Variants in ADCY8 observed in about 807,000 individuals in gnomAD.
ADCY8 encodes adenylate cyclase type 8.
A neutral mutation model predicts 119.7 loss-of-function variants in ADCY8; 51 were observed. The ratio of observed to expected loss-of-function variants is 0.43; its 90% CI spans 0.34 to 0.54. ADCY8 has a LOEUF of 0.54. Among genes scored for constraint, ADCY8 ranks in the 20% least tolerant of loss-of-function variants. The probability of loss-of-function intolerance (pLI) is 0.03; values close to 1 mark genes in which losing one functional copy is unlikely to be tolerated. For missense variants in ADCY8, 1,383 were observed against 1,598.8 expected (o/e 0.87, Z 2.30); for synonymous variants, 665 against 651.0 (o/e 1.02, Z -0.33).
At chr8:130,921,443 T>TC (rs1284590236) in intron 5 of ADCY8, among the ~76,000 whole-genome samples, 1 of 140,016 alleles carries the variant, frequency 7.1e-6, no homozygotes, top group African/African-American at 2.7e-5. Flanking sequence ...TTTTTCTTTT[T>TC]CTTTTCTTTT....
At chr8:130,941,241 A>T (rs767464854) in intron 4 of ADCY8, among the ~76,000 whole-genome samples, 4 of 152,310 alleles carry the variant, frequency 2.6e-5, no homozygotes, top group Non-Finnish European at 4.4e-5. Context: ...GCACCCTGGA[A>T]GCCTGGTCTT....
intron 1 of ADCY8, among the ~76,000 whole-genome samples, chr8:131,012,131 G>C (rs1223616267): frequency 2.0e-5 from 3 of 152,186 alleles, no homozygotes; most frequent in Non-Finnish European, 4.4e-5. Flanking sequence ...TCAGGTGACA[G>C]AGCAAGAGTC....
intron 3 of ADCY8, among the ~76,000 whole-genome samples, chr8:130,947,679 T>C (rs1821144594): frequency 6.6e-6 from 1 of 152,180 alleles, no homozygotes; most frequent in African/African-American, 2.4e-5. Context: ...ATTTTTTTGA[T>C]CCTTGACAAT....
intron 7 of ADCY8, among the ~76,000 whole-genome samples, chr8:130,885,550 G>A (rs1818951328): frequency 6.6e-6 from 1 of 151,994 alleles, no homozygotes; most frequent in Admixed American, 6.6e-5. Context: ...GTTTGGCAAG[G>A]AGACCTTTCC....
intron 8 of ADCY8, among the ~76,000 whole-genome samples, chr8:130,875,681 TGG>T (rs1332925665): frequency 7.2e-5 from 11 of 152,350 alleles, no homozygotes; most frequent in Non-Finnish European, 1.2e-4. Flanking sequence ...TAAAAGTTGA[TGG>T]GATGAAGTAA....
At chr8:130,957,537 A>G (rs760569374) in intron 2 of ADCY8, among the ~76,000 whole-genome samples, 8 of 152,246 alleles carry the variant, frequency 5.3e-5, no homozygotes, top group Admixed American at 2.0e-4. Context: ...AGAAATTTGC[A>G]TAAGTAACGA....
At chr8:130,973,051 A>C (rs1442155140) in intron 2 of ADCY8, among the ~76,000 whole-genome samples, 3 of 152,224 alleles carry the variant, frequency 2.0e-5, no homozygotes, top group Non-Finnish European at 4.4e-5. Context: ...AAAAAGGCTA[A>C]TACTAGTGCA....
intron 2 of ADCY8, among the ~76,000 whole-genome samples, chr8:130,952,506 T>C (rs1261106611): frequency 4.6e-5 from 7 of 152,158 alleles, no homozygotes; most frequent in South Asian, 2.1e-4. Context: ...GAGGCAGAAA[T>C]GAGCAATGGT....
chr8:130,926,232 C>T (rs536359212), intron 5 of ADCY8, among the ~76,000 whole-genome samples: 3 of 152,114 alleles, frequency 2.0e-5, no homozygotes, highest in African/African-American at 7.2e-5. Context: ...TACACACATA[C>T]ACTAATGCAC....
At chr8:130,929,813 C>T (rs1180429103) in intron 5 of ADCY8, among the ~76,000 whole-genome samples, 1 of 152,056 alleles carries the variant, frequency 6.6e-6, no homozygotes, top group Admixed American at 6.6e-5. Context: ...TTTTTAGGTA[C>T]TTTGATGTTG....
chr8:130,877,907 A>G (rs1818627191), intron 8 of ADCY8, among the ~76,000 whole-genome samples: 1 of 152,114 alleles, frequency 6.6e-6, no homozygotes, highest in Non-Finnish European at 1.5e-5. Context: ...GAACCCTGGT[A>G]CCCTGGGATA....
intron 5 of ADCY8, among the ~76,000 whole-genome samples, chr8:130,918,162 T>C (rs1301549177): frequency 6.6e-6 from 1 of 152,248 alleles, no homozygotes; most frequent in East Asian, 1.9e-4. Flanking sequence ...ACAAAATTTA[T>C]AGACTGGATG....
At chr8:130,806,755 C>T (rs1006649270) in intron 14 of ADCY8, among the ~76,000 whole-genome samples, 8 of 152,122 alleles carry the variant, frequency 5.3e-5, no homozygotes, top group Non-Finnish European at 8.8e-5. Flanking sequence ...TACCCAGGGC[C>T]GGCCATTGAT....
chr8:130,847,419 A>G lies in ADCY8; in HGVS notation c.2502+5T>C, dbSNP rs1245102372. 1 of 1,608,290 alleles carries G rather than the reference A, an allele frequency of 6.2e-7. No individual in the cohort carries two copies. The highest frequency in any genetic ancestry group is 1.3e-5 in the African/African-American group (1 of 74,658). ...TCTCACCAAGGGGAGCTCATAAATA[A>G]ATACCTCTGGGTAGGAGCAGATATC... On this transcript the variant is annotated splice_donor_5th_base_variant and intron_variant, in intron 11 of 17. Transcript: ENST00000286355.
intron 1 of ADCY8, among the ~76,000 whole-genome samples, chr8:131,006,371 T>C (rs534725103): frequency 1.8e-4 from 27 of 152,278 alleles, no homozygotes; most frequent in African/African-American, 6.0e-4. Flanking sequence ...GGAGAGGCAC[T>C]GAAGAGGCAC....
rs1368531981 is a variant in ADCY8, at chr8:130,982,767, A to G, written c.1110+7626T>C. On this transcript the variant is annotated intron_variant, in intron 2 of 17. Transcript: ENST00000286355. ...ATTCTAGTTAACCAAATATATTCCA[A>G]ATATCATTTCAATGTATAATCAACA... is the stretch of plus-strand genomic sequence containing the variant. Among the ~76,000 whole-genome samples, 3 of 152,246 alleles carry G rather than the reference A, an allele frequency of 2.0e-5. No homozygotes were observed. In the South Asian group the frequency reaches 6.2e-4, roughly 31 times the overall value.
intron 7 of ADCY8, among the ~76,000 whole-genome samples, chr8:130,889,176 G>A (rs1819095959): frequency 6.6e-6 from 1 of 152,110 alleles, no homozygotes; most frequent in Non-Finnish European, 1.5e-5. Flanking sequence ...AAGTGGTTCT[G>A]TGGACCAATC....
intron 1 of ADCY8, among the ~76,000 whole-genome samples, chr8:131,006,521 A>T (rs759375373): frequency 6.6e-6 from 1 of 152,166 alleles, no homozygotes; most frequent in South Asian, 2.1e-4. Flanking sequence ...TACTATTATT[A>T]ATAAAGGATC....
intron 12 of ADCY8, among the ~76,000 whole-genome samples, chr8:130,831,688 A>G (rs16904367): frequency 0.22 from 33,686 of 152,150 alleles, 3,797 homozygotes; most frequent in Admixed American, 0.26. Context: ...AACTGGTTTG[A>G]AAATTTAACT....
Sources: allele counts gnomAD v4.1 joint callset (sites outside exome capture counted in the v4.1 genomes callset), GRCh38; gene constraint gnomAD v4.1.1; transcripts MANE v1.5; gene names NCBI Gene and HGNC (gene_info 2026-07-23, HGNC 2026-07-21).